Variants in OVGP1 observed in about 807,000 individuals in gnomAD.
The protein encoded by OVGP1 is oviduct-specific glycoprotein.
Under a neutral mutation model 48.2 loss-of-function variants are expected in OVGP1, and 26 were observed. That is an observed-to-expected ratio of 0.54 (90% confidence interval 0.40 to 0.75). OVGP1 has a LOEUF of 0.75. OVGP1 is among the 30% of genes least tolerant of loss of function. OVGP1 has a pLI of 0.00. For synonymous variants in OVGP1, 294 were observed against 305.7 expected (o/e 0.96, Z 0.40); for missense variants, 791 against 820.6 (o/e 0.96, Z 0.44).
chr1:111,425,826 C>G lies in OVGP1; in HGVS notation c.261-387G>C, dbSNP rs1304435097. ...AGGCACTTTAGAACAAAGAACAACA[C>G]AGATAAGCTCCCCACTTTCAGGGAG... On this transcript the variant is annotated intron_variant, in intron 3 of 10. Transcript: ENST00000369732. Among the ~76,000 whole-genome samples the G allele has an allele frequency of 2.0e-5, 3 of 152,324 alleles. No homozygotes were observed. The East Asian group carries it at 5.8e-4, about 29-fold the overall frequency.
chr1:111,421,145 C>T (rs1012321842), intron 8 of OVGP1, 131 bp downstream of exon 8: 7 of 732,972 alleles, frequency 9.6e-6, no homozygotes, highest in Non-Finnish European at 1.5e-5. Flanking sequence ...GTGGGTTTCT[C>T]TTGTACTAAT....
rs1033760963 is a variant in OVGP1, at chr1:111,419,605, C to T, written c.1020+5G>A. 2 of 1,548,554 alleles carry T rather than the reference C, an allele frequency of 1.3e-6. No individual in the cohort carries two copies. The highest frequency in any genetic ancestry group is 1.8e-6 in the Non-Finnish European group (2 of 1,120,652). The stretch of plus-strand genomic sequence containing the variant: ...TGCTGGAGCATGAAAGAGCCAGGGT[C>T]TCACCTTGTAACTGAAGCTGATGGC... On this transcript the variant is annotated splice_donor_5th_base_variant and intron_variant, in intron 9 of 10. Transcript: ENST00000369732.
At position 111,416,443 on chromosome 1, in the gene OVGP1, G is replaced by C. The variant is rs1031513860; in HGVS notation, c.1036C>G (p.Arg346Gly). 1.9e-6 allele frequency: 3 copies of C among 1,604,666 alleles called. No homozygotes were observed. The highest frequency in any genetic ancestry group is 2.6e-6 in the Non-Finnish European group (3 of 1,175,550). Residue 346 changes from arginine to glycine, a missense_variant, in exon 10 of 11, where the codon CGA becomes GGA. Transcript: ENST00000369732. ...ACCATGGCCCCCCCAAAATGCTCTC[G>C]CCTTATAAACCATGCCTGTAAAAGT... ...SFSYKAWFIR[R>G]EHFGGAMVWT...
At chr1:111,421,504 C>T in intron 7 of OVGP1, 43 bp from the exon 8 acceptor site, 3 of 1,608,990 alleles carry the variant, frequency 1.9e-6, no homozygotes, top group Non-Finnish European at 2.5e-6. Flanking sequence ...TTACTAAGAG[C>T]CAATGGCCTG....
chr1:111,414,386 C>T lies in OVGP1; in HGVS notation c.*78G>A. 7.5e-7 allele frequency: 1 copy of T among 1,336,590 alleles called. No homozygotes were observed. Among genetic ancestry groups the T allele is most frequent in the Non-Finnish European group, 1.0e-6 (1 of 979,010 alleles). The allele number at this position is 1,336,590 out of a possible 1,614,324, so 82.8% of individuals were successfully genotyped here. The stretch of plus-strand genomic sequence containing the variant: ...ATTCTGGTTTTGATGCCTGCTTTGC[C>T]CCGGGATGAGAAGGCTTCCAACATG... On this transcript the variant is annotated 3_prime_UTR_variant, in exon 11 of 11. Transcript: ENST00000369732.
rs1571357467 is a variant in OVGP1 at position 111,426,425 on chromosome 1, A to G, written c.260+12T>C. 1.9e-6 allele frequency: 3 copies of G among 1,613,990 alleles called. No homozygotes were observed. Among genetic ancestry groups the G allele is most frequent in the South Asian group, 1.1e-5 (1 of 90,982 alleles). Reference sequence around the variant, plus strand: ...TCTGAAAATACAACCCCCACATCCAATATGAACACACCTCTCCTTTAGTTT... The same window carrying G: ...TCTGAAAATACAACCCCCACATCCAGTATGAACACACCTCTCCTTTAGTTT... On this transcript the variant is annotated intron_variant, in intron 3 of 10. Coordinates refer to ENST00000369732, the MANE Select transcript of OVGP1 (RefSeq NM_002557.4).
At chr1:111,420,010 G>A (rs1489054914) in intron 8 of OVGP1, among the ~76,000 whole-genome samples, 2 of 152,130 alleles carry the variant, frequency 1.3e-5, no homozygotes, top group Admixed American at 1.3e-4. Context: ...TATAATGCCA[G>A]TACCAAAATA....
At chr1:111,419,768 G>A in intron 8 of OVGP1, 42 bp from the exon 9 acceptor site, 1 of 1,161,740 alleles carries the variant, frequency 8.6e-7, no homozygotes, top group Non-Finnish European at 1.3e-6. Context: ...AAGTGCCATG[G>A]AGATAAGCAC....
chr1:111,419,638 T>C lies in OVGP1; in HGVS notation c.992A>G (p.Tyr331Cys), dbSNP rs1297546316. 2.5e-6 allele frequency: 4 copies of C among 1,610,412 alleles called. No homozygotes were observed. The highest frequency in any genetic ancestry group is 1.1e-5 in the South Asian group (1 of 90,968). The change falls in exon 9 of 11, where the codon TAT becomes TGT. Residue 331 changes from tyrosine (Y) to cysteine (C), a missense_variant. Transcript: ENST00000369732. ...GTAACTGAAGCTGATGGCATTGTCA[T>C]AGCCAACCCACTCTTTCCCCTTGTT... is the stretch of plus-strand genomic sequence containing the variant. ...YANKGKEWVG[Y>C]DNAISFSYKA...
In OVGP1 at chr1:111,421,380, AG is replaced by A. The variant is rs1652263970; in HGVS notation, c.798del (p.Arg268AlafsTer77). ...LIMGIPTYGR[T>X]FRLLKASKNG... ...TTCTTAGAGGCTTTGAGGAGGCGAA[AG>A]GTACGTCCATAGGTGGGGATCCCCA... On this transcript the variant is annotated frameshift_variant, in exon 8 of 11. Coordinates refer to ENST00000369732, the MANE Select transcript of OVGP1 (RefSeq NM_002557.4). LOFTEE classifies it high-confidence loss of function. 1.9e-6 allele frequency: 3 copies of A among 1,613,990 alleles called. No individual in the cohort carries two copies. The highest frequency in any genetic ancestry group is 2.7e-5 in the African/African-American group (2 of 74,918).
rs1652134652 is a variant in OVGP1 at position 111,416,340 on chromosome 1, T to G, written c.1139A>C (p.Asp380Ala). The change falls in exon 10 of 11, where the codon GAT becomes GCT. Residue 380 changes from aspartate (D) to alanine (A), a missense_variant. Coordinates refer to ENST00000369732, the MANE Select transcript of OVGP1 (RefSeq NM_002557.4). ...CTACTTACCAGCCCGCACCAGGATA[T>G]CATTCAATACGTAGACAAGGGGGAA... ...GPFPLVYVLN[D>A]ILVRAEFSST... The G allele has an allele frequency of 4.4e-6, 7 of 1,593,120 alleles. No individual in the cohort carries two copies. The highest frequency in any genetic ancestry group is 6.0e-6 in the Non-Finnish European group (7 of 1,168,360).
At chr1:111,419,273 A>G (rs2101724418) in intron 9 of OVGP1, among the ~76,000 whole-genome samples, 1 of 152,264 alleles carries the variant, frequency 6.6e-6, no homozygotes, top group South Asian at 2.1e-4. Context: ...CAGAGCACTT[A>G]CCATGATCTA....
At chr1:111,418,120 G>A (rs1377903376) in intron 9 of OVGP1, among the ~76,000 whole-genome samples, 2 of 152,138 alleles carry the variant, frequency 1.3e-5, no homozygotes, top group East Asian at 1.9e-4. Flanking sequence ...TAATCCCCAA[G>A]GTCTCTTTTA....
chr1:111,425,111 G>T (rs1026695112), intron 4 of OVGP1, among the ~76,000 whole-genome samples: 1 of 152,188 alleles, frequency 6.6e-6, no homozygotes, highest in East Asian at 1.9e-4. Flanking sequence ...CTTATGAAAG[G>T]TTGAGGAAAC....
At chr1:111,421,728 C>T (rs1652276971) in intron 6 of OVGP1, 55 bp from the exon 7 acceptor site, 1 of 1,032,962 alleles carries the variant, frequency 9.7e-7, no homozygotes, top group African/African-American at 1.6e-5. Context: ...ATTTTCAAGT[C>T]AGAGCATCAC....
intron 2 of OVGP1, 85 bp from the exon 3 acceptor site, chr1:111,426,726 C>A: frequency 6.4e-7 from 1 of 1,556,456 alleles, no homozygotes; most frequent in South Asian, 1.2e-5. Flanking sequence ...GAACGCAGCC[C>A]AAGAGACCAG....
At chr1:111,421,760 T>G in intron 6 of OVGP1, 87 bp from the exon 7 acceptor site, 1 of 819,148 alleles carries the variant, frequency 1.2e-6, no homozygotes, top group South Asian at 1.6e-5. Context: ...GCTAACTAGC[T>G]AGACATTGGT....
intron 9 of OVGP1, among the ~76,000 whole-genome samples, chr1:111,419,120 C>T (rs185346599): frequency 1.7e-3 from 262 of 152,320 alleles, no homozygotes; most frequent in African/African-American, 6.0e-3. Context: ...CTCTGCTTCA[C>T]CCAAATTCTT....
In OVGP1 at chr1:111,422,962, G is replaced by A. The variant is rs760453678; in HGVS notation, c.573C>T (p.Ile191=). The change falls in exon 6 of 11, where the codon ATC becomes ATT. Residue 191 remains isoleucine (I), a synonymous_variant. Transcript: ENST00000369732. The stretch of plus-strand genomic sequence containing the variant: ...AGCGCACATCATAGGATGTTTGGAC[G>A]ATGTGTGGGACCCCAGAAACAGCAG... ...LSAAVSGVPH[I]VQTSYDVRFL... The A allele has an allele frequency of 2.4e-5, 39 of 1,614,140 alleles. No homozygotes were observed. Among genetic ancestry groups the A allele is most frequent in the East Asian group, 6.7e-5 (3 of 44,890 alleles).
Sources: gnomAD v4.1 joint callset for allele counts (sites outside exome capture counted in the v4.1 genomes callset) on GRCh38, gnomAD v4.1.1 for gene constraint, MANE v1.5 for transcripts, NCBI Gene and HGNC (gene_info 2026-07-23, HGNC 2026-07-21) for gene names.